VSNL1: variants seen among roughly 807,000 people sequenced by gnomAD.
The protein encoded by VSNL1 is visinin like 1.
VSNL1 carries 6 observed loss-of-function variants against 20.4 expected under a neutral mutation model. That is an observed-to-expected ratio of 0.29 (90% CI 0.16 to 0.58). The LOEUF is 0.58. VSNL1 is among the 20% of genes least tolerant of loss of function. VSNL1 has a pLI of 0.90. For missense variants in VSNL1, 100 were observed against 234.5 expected, an observed-to-expected ratio of 0.43 and a Z score of 3.75; for synonymous variants, 93 against 86.4, an observed-to-expected ratio of 1.08 and a Z score of -0.42.
At chr2:17,552,095 G>C (rs1361656449) in intron 1 of VSNL1, among the ~76,000 whole-genome samples, 3 of 151,344 alleles carry the variant, frequency 2.0e-5, no homozygotes, top group South Asian at 2.1e-4. Flanking sequence ...AGCTACTCGG[G>C]AGGCTGAGGC....
chr2:17,570,646 TA>T (rs1245526638), intron 1 of VSNL1, among the ~76,000 whole-genome samples: 1 of 152,224 alleles, frequency 6.6e-6, no homozygotes, highest in Non-Finnish European at 1.5e-5. Context: ...TTAGGTTTAT[TA>T]CCTACATTAT....
At chr2:17,555,065 C>T (rs1450897567) in intron 1 of VSNL1, among the ~76,000 whole-genome samples, 1 of 152,142 alleles carries the variant, frequency 6.6e-6, no homozygotes, top group Non-Finnish European at 1.5e-5. Context: ...ATAACTCTGA[C>T]TACAGGCTGC....
intron 2 of VSNL1, among the ~76,000 whole-genome samples, chr2:17,613,272 C>T (rs1441308835): frequency 2.0e-5 from 3 of 152,196 alleles, no homozygotes; most frequent in Non-Finnish European, 4.4e-5. Context: ...GATTATTTAG[C>T]AAGTGCATGG....
intron 1 of VSNL1, among the ~76,000 whole-genome samples, chr2:17,584,797 T>C (rs2103368735): frequency 6.6e-6 from 1 of 152,204 alleles, no homozygotes; most frequent in Non-Finnish European, 1.5e-5. Context: ...CAGGCATCAG[T>C]CTTATCGTTG....
intron 1 of VSNL1, among the ~76,000 whole-genome samples, chr2:17,575,817 G>A (rs1572341918): frequency 6.6e-6 from 1 of 152,146 alleles, no homozygotes; most frequent in Non-Finnish European, 1.5e-5. Flanking sequence ...TTATAGGCAT[G>A]AGCCACTGCG....
intron 2 of VSNL1, among the ~76,000 whole-genome samples, chr2:17,626,038 C>T (rs552046735): frequency 7.9e-5 from 12 of 151,930 alleles, no homozygotes; most frequent in Non-Finnish European, 1.6e-4. Flanking sequence ...AGGCTGGTCT[C>T]GAACTCCTGA....
At chr2:17,650,614 T>C (rs887196781) in intron 3 of VSNL1, among the ~76,000 whole-genome samples, 24 of 152,200 alleles carry the variant, frequency 1.6e-4, no homozygotes, top group African/African-American at 5.8e-4. Flanking sequence ...ATCCTGGAGC[T>C]GGGGGGATGC....
intron 2 of VSNL1, among the ~76,000 whole-genome samples, chr2:17,624,536 A>G (rs1174644948): frequency 6.6e-6 from 1 of 152,240 alleles, no homozygotes; most frequent in Non-Finnish European, 1.5e-5. Context: ...GGTGGGCTCA[A>G]TGTAATCACA....
chr2:17,648,609 C>G (rs1288112900), intron 2 of VSNL1, among the ~76,000 whole-genome samples: 2 of 152,176 alleles, frequency 1.3e-5, no homozygotes, highest in Non-Finnish European at 2.9e-5. Flanking sequence ...TGCAGTTCTT[C>G]CTTGTTAATT....
intron 1 of VSNL1, among the ~76,000 whole-genome samples, chr2:17,545,581 A>G (rs1240950518): frequency 1.3e-5 from 2 of 152,118 alleles, no homozygotes; most frequent in Non-Finnish European, 2.9e-5. Context: ...CTGTGAGGGG[A>G]CCACATCATT....
At chr2:17,603,052 G>A (rs11687655) in intron 2 of VSNL1, among the ~76,000 whole-genome samples, 44,811 of 152,036 alleles carry the variant, frequency 0.29, 8,400 homozygotes, top group Middle Eastern at 0.57. Context: ...AGCCTAAGAA[G>A]TTTCTGTATA....
chr2:17,648,926 T>G (rs1236599957), intron 2 of VSNL1, among the ~76,000 whole-genome samples: 1 of 152,202 alleles, frequency 6.6e-6, no homozygotes, highest in Non-Finnish European at 1.5e-5. Context: ...GGGATAAGTG[T>G]GGGCCCAGGA....
At position 17,550,678 on chromosome 2, in the gene VSNL1, G is replaced by A. The variant is rs181494596; in HGVS notation, c.-6+9760G>A. 3.9e-5 allele frequency among the ~76,000 whole-genome samples: 6 copies of A among 152,280 alleles called. No homozygotes were observed. In the East Asian group the frequency reaches 7.7e-4, roughly 20 times the overall value. On this transcript the variant is annotated intron_variant, in intron 1 of 3. Coordinates refer to ENST00000295156, the MANE Select transcript of VSNL1 (RefSeq NM_003385.5). ...AGTAAGGACAGTAAGACCAACAGGA[G>A]AAACTAAAGAGACCCACATATGCAT...
At chr2:17,545,546 A>T (rs1274573420) in intron 1 of VSNL1, among the ~76,000 whole-genome samples, 1 of 152,144 alleles carries the variant, frequency 6.6e-6, no homozygotes, top group African/African-American at 2.4e-5. Context: ...CTCTTGAGCT[A>T]TGGAATTATT....
intron 2 of VSNL1, among the ~76,000 whole-genome samples, chr2:17,604,010 A>G (rs1664889996): frequency 6.6e-6 from 1 of 152,154 alleles, no homozygotes; most frequent in African/African-American, 2.4e-5. Flanking sequence ...TAGGACATCC[A>G]TGGATATCCC....
chr2:17,652,042 T>A (rs769767183), intron 3 of VSNL1, among the ~76,000 whole-genome samples: 4 of 152,248 alleles, frequency 2.6e-5, no homozygotes, highest in Admixed American at 6.5e-5. Context: ...GCCCAATTTG[T>A]GACCATTTTG....
intron 1 of VSNL1, chr2:17,545,925 A>T (rs1663395901): frequency 6.6e-6 from 1 of 152,024 alleles, no homozygotes; most frequent in South Asian, 2.1e-4. Context: ...TACTTAATTT[A>T]CTGCAGTCCT....
At chr2:17,546,933 AT>A (rs61000216) in intron 1 of VSNL1, among the ~76,000 whole-genome samples, 4,683 of 152,082 alleles carry the variant, frequency 0.031, 227 homozygotes, top group African/African-American at 0.11. Flanking sequence ...TTTATGAAAA[AT>A]GAAAGGAAAT....
intron 2 of VSNL1, among the ~76,000 whole-genome samples, chr2:17,616,970 C>T (rs1039485605): frequency 2.6e-5 from 4 of 151,564 alleles, no homozygotes; most frequent in East Asian, 1.9e-4. Flanking sequence ...GACACCCACT[C>T]GTCCCTTGGG....
Sources: gnomAD v4.1 joint callset for allele counts (sites outside exome capture counted in the v4.1 genomes callset) on GRCh38, gnomAD v4.1.1 for gene constraint, MANE v1.5 for transcripts, NCBI Gene and HGNC (gene_info 2026-07-23, HGNC 2026-07-21) for gene names.